Variants in GRID2 observed in about 807,000 individuals in gnomAD.
The protein encoded by GRID2 is glutamate receptor ionotropic, delta-2.
A neutral mutation model predicts 114.8 loss-of-function variants in GRID2; 33 were observed. The ratio of observed to expected loss-of-function variants is 0.29; its 90% CI spans 0.22 to 0.38. GRID2 has a LOEUF of 0.38. Among genes scored for constraint, GRID2 ranks in the 10% least tolerant of loss-of-function variants. The probability of loss-of-function intolerance (pLI) is 1.00; values close to 1 mark genes in which losing one functional copy is unlikely to be tolerated. For synonymous variants in GRID2, 505 were observed against 449.9 expected (o/e 1.12, Z -1.55); for missense variants, 1,184 against 1,257.7 (o/e 0.94, Z 0.89).
intron 8 of GRID2, among the ~76,000 whole-genome samples, chr4:93,386,265 G>T (rs1355032842): frequency 1.3e-5 from 2 of 152,058 alleles, no homozygotes; most frequent in African/African-American, 4.8e-5. Flanking sequence ...GCCTGGAACA[G>T]GTAAATTAAT....
intron 13 of GRID2, among the ~76,000 whole-genome samples, chr4:93,562,438 A>G: frequency 6.6e-6 from 1 of 152,036 alleles, no homozygotes; most frequent in Non-Finnish European, 1.5e-5. Flanking sequence ...TATTTTGGAT[A>G]ACAGTCTTTA....
At chr4:93,233,823 A>G (rs1238194903) in intron 7 of GRID2, among the ~76,000 whole-genome samples, 5 of 152,162 alleles carry the variant, frequency 3.3e-5, no homozygotes, top group African/African-American at 1.2e-4. Context: ...GGATAGAAGT[A>G]GATATCCTTG....
intron 14 of GRID2, among the ~76,000 whole-genome samples, chr4:93,646,147 C>T (rs1281776892): frequency 6.6e-6 from 1 of 152,038 alleles, no homozygotes; most frequent in Non-Finnish European, 1.5e-5. Flanking sequence ...ACTAGCAAGT[C>T]AGAGGAAGAC....
chr4:93,559,200 C>G (rs139882850), intron 13 of GRID2, among the ~76,000 whole-genome samples: 1,722 of 152,166 alleles, frequency 0.011, 27 homozygotes, highest in African/African-American at 0.04. Context: ...ACTAAAACAC[C>G]AAAAGCAATG....
intron 14 of GRID2, among the ~76,000 whole-genome samples, chr4:93,727,853 G>A (rs1335457740): frequency 2.0e-5 from 3 of 151,942 alleles, no homozygotes; most frequent in African/African-American, 7.3e-5. Flanking sequence ...ATTTTTTATT[G>A]CATCTATTTG....
intron 2 of GRID2, among the ~76,000 whole-genome samples, chr4:92,704,723 T>TCTCTTTCTCTCTCTCTCTCTCTC (rs1734861937): frequency 7.8e-5 from 7 of 90,042 alleles, no homozygotes; most frequent in South Asian, 8.8e-4. Flanking sequence ...CTCTCTCTCT[T>TCTCTTTCTCTCTCTCTCTCTCTC]TCTCTCTCTC....
At chr4:92,833,494 T>G (rs540277602) in intron 2 of GRID2, among the ~76,000 whole-genome samples, 2 of 152,074 alleles carry the variant, frequency 1.3e-5, no homozygotes, top group African/African-American at 4.8e-5. Flanking sequence ...CACTTGATGA[T>G]CTTTCTTTCT....
intron 2 of GRID2, among the ~76,000 whole-genome samples, chr4:92,648,736 TA>T (rs1731766423): frequency 6.7e-6 from 1 of 149,134 alleles, no homozygotes; most frequent in African/African-American, 2.5e-5. Flanking sequence ...ACAACCATTT[TA>T]GTATGATTTA....
At chr4:93,397,812 A>G (rs534779398) in intron 9 of GRID2, among the ~76,000 whole-genome samples, 1 of 151,962 alleles carries the variant, frequency 6.6e-6, no homozygotes, top group Non-Finnish European at 1.5e-5. Flanking sequence ...ATTTTAGATT[A>G]CTCTTAATAC....
intron 2 of GRID2, among the ~76,000 whole-genome samples, chr4:92,692,692 G>T (rs1396808637): frequency 6.6e-6 from 1 of 152,060 alleles, no homozygotes; most frequent in African/African-American, 2.4e-5. Context: ...TGGAATTTTG[G>T]TATTTTAGAA....
intron 8 of GRID2, among the ~76,000 whole-genome samples, chr4:93,250,094 C>T (rs1338684995): frequency 6.6e-6 from 1 of 152,050 alleles, no homozygotes; most frequent in Non-Finnish European, 1.5e-5. Context: ...TGGAACTAGC[C>T]CAAATGTCCA....
intron 2 of GRID2, among the ~76,000 whole-genome samples, chr4:92,897,249 A>C (rs909760165): frequency 1.3e-5 from 2 of 152,082 alleles, no homozygotes; most frequent in Non-Finnish European, 2.9e-5. Context: ...GTTTTCCCCA[A>C]ACAAATTCTC....
At chr4:93,043,526 C>G (rs1725805312) in intron 2 of GRID2, among the ~76,000 whole-genome samples, 1 of 152,074 alleles carries the variant, frequency 6.6e-6, no homozygotes, top group South Asian at 2.1e-4. Flanking sequence ...AAATTCATCT[C>G]TAGAATAAGG....
chr4:92,960,827 C>G (rs1289019779), intron 2 of GRID2, among the ~76,000 whole-genome samples: 2 of 151,864 alleles, frequency 1.3e-5, no homozygotes, highest in African/African-American at 4.8e-5. Context: ...GTCTTCTACT[C>G]TTTCCGCATT....
chr4:92,376,694 C>A lies in GRID2; in HGVS notation c.88+71950C>A, dbSNP rs145357762. ...CTTCTGCCTGGATATCCAGGCATTT[C>A]CATACATCCTCTGAAATCTAGGCAG... On this transcript the variant is annotated intron_variant, in intron 1 of 15. Transcript: ENST00000282020. 2.4e-3 allele frequency among the ~76,000 whole-genome samples: 368 copies of A among 152,266 alleles called. 1 individual carries two copies. Among genetic ancestry groups the A allele is most frequent in the African/African-American group, 8.6e-3 (356 of 41,558 alleles).
chr4:93,708,521 T>C (rs1322603236), intron 14 of GRID2, among the ~76,000 whole-genome samples: 1 of 152,004 alleles, frequency 6.6e-6, no homozygotes, highest in Non-Finnish European at 1.5e-5. Context: ...GCATGGAGTA[T>C]ATTTTTCGAT....
At position 92,368,004 on chromosome 4, in the gene GRID2, A is replaced by T. The variant is rs1728952727; in HGVS notation, c.88+63260A>T. 2.0e-5 allele frequency among the ~76,000 whole-genome samples: 3 copies of T among 152,244 alleles called. No individual in the cohort carries two copies. In the South Asian group the frequency reaches 6.2e-4, roughly 32 times the overall value. ...ATATAATCACATGTTGTGAGCTCAA[A>T]GAGAAAGAAGCGATAGTAGCCTGGA... On this transcript the variant is annotated intron_variant, in intron 1 of 15. Transcript: ENST00000282020.
chr4:92,891,772 G>T (rs114143899), intron 2 of GRID2, among the ~76,000 whole-genome samples: 1 of 152,098 alleles, frequency 6.6e-6, no homozygotes, highest in Non-Finnish European at 1.5e-5. Context: ...AGTACTGGGG[G>T]TGCAGAGTAC....
intron 1 of GRID2, among the ~76,000 whole-genome samples, chr4:92,499,695 C>T (rs540697571): frequency 3.9e-5 from 6 of 152,256 alleles, no homozygotes; most frequent in Non-Finnish European, 5.9e-5. Flanking sequence ...TCACTGCAAC[C>T]TCTCTGCCTT....
Sources: gnomAD v4.1 joint callset for allele counts (sites outside exome capture counted in the v4.1 genomes callset) on GRCh38, gnomAD v4.1.1 for gene constraint, MANE v1.5 for transcripts, NCBI Gene and HGNC (gene_info 2026-07-23, HGNC 2026-07-21) for gene names.